The following GRIP1 variants were observed in gnomAD, a reference collection of about 807,000 sequenced individuals.
The protein encoded by GRIP1 is glutamate receptor interacting protein 1, also known as glutamate receptor-interacting protein 1.
A neutral mutation model predicts 129.9 loss-of-function variants in GRIP1; 45 were observed. The ratio of observed to expected loss-of-function variants is 0.35; its 90% CI spans 0.27 to 0.44. The LOEUF (loss-of-function observed/expected upper bound fraction) is 0.44. Among genes scored for constraint, GRIP1 ranks in the 20% least tolerant of loss-of-function variants. The pLI is 1.00. For missense variants in GRIP1, 1,196 were observed against 1,396.8 expected (o/e 0.86, Z 2.29); for synonymous variants, 530 against 520.8 (o/e 1.02, Z -0.24).
Position 66,568,924 on chromosome 12 carries a change from G to A in GRIP1, c.137-26974C>T, listed in dbSNP as rs568891551. ...AGAGGGAGGTGAGACAGTCTGGGAA[G>A]GCATTGTGCTGATCACAGGTTCCCA... On this transcript the variant is annotated intron_variant, in intron 2 of 24. Coordinates refer to ENST00000359742, the MANE Select transcript of GRIP1 (RefSeq NM_001366722.1). 3.1e-4 allele frequency: 160 copies of A among 523,510 alleles called. 1 individual carries two copies. The highest frequency in any genetic ancestry group is 2.2e-3 in the South Asian group (156 of 71,492). The allele number at this position is 523,510 out of a possible 1,614,324, so 32.4% of individuals were successfully genotyped here. A position where few individuals can be genotyped will look rare whatever the true frequency, so the allele number is the denominator to read the frequency against.
chr12:66,432,734 A>T, intron 13 of GRIP1, 106 bp from the exon 14 acceptor site: 1 of 594,104 alleles, frequency 1.7e-6, no homozygotes, highest in Non-Finnish European at 2.9e-6. Context: ...ATGTAGCTAA[A>T]ACTGTAGGAA....
At chr12:66,963,988 T>A (rs568078701) in intron 1 of GRIP1, among the ~76,000 whole-genome samples, 1 of 152,142 alleles carries the variant, frequency 6.6e-6, no homozygotes, top group Non-Finnish European at 1.5e-5. Context: ...TTAAGCCCTA[T>A]AGACAATCAC....
intron 1 of GRIP1, among the ~76,000 whole-genome samples, chr12:66,746,286 T>C (rs1030461778): frequency 2.6e-5 from 4 of 152,196 alleles, no homozygotes; most frequent in African/African-American, 9.7e-5. Flanking sequence ...GAGCCACTTA[T>C]TTCCATAACT....
intron 1 of GRIP1, among the ~76,000 whole-genome samples, chr12:66,958,298 C>A (rs77084075): frequency 0.16 from 24,285 of 151,996 alleles, 2,896 homozygotes; most frequent in African/African-American, 0.33. Context: ...CACCACCACA[C>A]CTGGCTAATT....
At chr12:66,978,057 A>G (rs1334481191) in intron 1 of GRIP1, among the ~76,000 whole-genome samples, 1 of 151,856 alleles carries the variant, frequency 6.6e-6, no homozygotes, top group Non-Finnish European at 1.5e-5. Context: ...CTTGAGCTCA[A>G]GCAAAGCTCC....
At chr12:66,799,246 T>C (rs887617996) in intron 1 of GRIP1, among the ~76,000 whole-genome samples, 1 of 151,954 alleles carries the variant, frequency 6.6e-6, no homozygotes, top group Non-Finnish European at 1.5e-5. Context: ...TGGAACATGA[T>C]AGCCAATCAA....
intron 11 of GRIP1, among the ~76,000 whole-genome samples, chr12:66,446,427 C>T (rs993516477): frequency 3.3e-5 from 5 of 152,064 alleles, no homozygotes; most frequent in African/African-American, 1.2e-4. Flanking sequence ...TTAACTAAAA[C>T]CTGATAACAC....
At chr12:66,435,691 CA>C (rs1169364332) in intron 13 of GRIP1, among the ~76,000 whole-genome samples, 1 of 152,156 alleles carries the variant, frequency 6.6e-6, no homozygotes, top group East Asian at 1.9e-4. Context: ...ATAGTTACTA[CA>C]GCAACATTTT....
chr12:66,639,888 C>A (rs930021705), intron 1 of GRIP1, among the ~76,000 whole-genome samples: 1 of 152,194 alleles, frequency 6.6e-6, no homozygotes, highest in African/African-American at 2.4e-5. Flanking sequence ...AAAATAGAAG[C>A]TGAGACAAGC....
At chr12:66,952,177 G>C (rs555045048) in intron 1 of GRIP1, among the ~76,000 whole-genome samples, 16 of 152,242 alleles carry the variant, frequency 1.1e-4, no homozygotes, top group Non-Finnish European at 1.9e-4. Flanking sequence ...GGGACTGCCA[G>C]ATGAACAGCT....
intron 16 of GRIP1, among the ~76,000 whole-genome samples, chr12:66,396,053 C>G (rs1409102952): frequency 6.6e-6 from 1 of 152,178 alleles, no homozygotes; most frequent in African/African-American, 2.4e-5. Flanking sequence ...CTTTGCAGCC[C>G]TCATCATCAA....
intron 1 of GRIP1, among the ~76,000 whole-genome samples, chr12:66,959,968 T>C (rs1025330567): frequency 2.6e-5 from 4 of 152,004 alleles, no homozygotes; most frequent in African/African-American, 9.7e-5. Flanking sequence ...GTGTAGAAAA[T>C]AGCTCGGAGG....
intron 1 of GRIP1, among the ~76,000 whole-genome samples, chr12:66,980,679 T>C (rs1248324245): frequency 6.6e-6 from 1 of 152,186 alleles, no homozygotes; most frequent in Non-Finnish European, 1.5e-5. Flanking sequence ...ATTATCCTTA[T>C]TATATAAATG....
At chr12:66,932,709 C>G (rs1295882353) in intron 1 of GRIP1, among the ~76,000 whole-genome samples, 1 of 152,020 alleles carries the variant, frequency 6.6e-6, no homozygotes, top group Admixed American at 6.6e-5. Flanking sequence ...CACTCTGTTG[C>G]CCAGGCTGGA....
chr12:66,827,387 T>TGAGAGAGAGAGA (rs112366252), intron 1 of GRIP1, among the ~76,000 whole-genome samples: 240 of 108,284 alleles, frequency 2.2e-3, no homozygotes, highest in Non-Finnish European at 3.3e-3. Context: ...TGTGTGTGTG[T>TGAGAGAGAGAGA]GAGAGAGAGA....
chr12:66,437,573 T>G (rs1382963384), intron 13 of GRIP1, among the ~76,000 whole-genome samples: 3 of 152,150 alleles, frequency 2.0e-5, no homozygotes, highest in African/African-American at 7.2e-5. Flanking sequence ...CTGAACAAAG[T>G]GGGTTTAACA....
At chr12:66,907,874 G>T (rs1311681745) in intron 1 of GRIP1, among the ~76,000 whole-genome samples, 1 of 152,068 alleles carries the variant, frequency 6.6e-6, no homozygotes, top group African/African-American at 2.4e-5. Flanking sequence ...AGGGTGGCTG[G>T]AACAAGGAGA....
intron 1 of GRIP1, among the ~76,000 whole-genome samples, chr12:66,616,147 C>T (rs999217608): frequency 6.6e-6 from 1 of 152,018 alleles, no homozygotes; most frequent in African/African-American, 2.4e-5. Context: ...ATGGCTTTAA[C>T]TAAGGGATAT....
chr12:66,729,200 T>C (rs545962870), intron 1 of GRIP1, among the ~76,000 whole-genome samples: 38 of 152,218 alleles, frequency 2.5e-4, no homozygotes, highest in African/African-American at 8.9e-4. Context: ...AACATGCTAG[T>C]CTTGACTGCT....
Sources: gnomAD v4.1 joint callset for allele counts (sites outside exome capture counted in the v4.1 genomes callset) on GRCh38, gnomAD v4.1.1 for gene constraint, MANE v1.5 for transcripts, NCBI Gene and HGNC (gene_info 2026-07-23, HGNC 2026-07-21) for gene names.